SLC35F5: variants seen among roughly 807,000 people sequenced by gnomAD.
SLC35F5 encodes solute carrier family 35 member F5, also known as HCV NS5A-transactivated protein 3.
In SLC35F5, 54 loss-of-function variants were observed where a neutral mutation model predicts 68.6. The ratio of observed to expected loss-of-function variants is 0.79; its 90% confidence interval spans 0.63 to 0.99. SLC35F5 has a LOEUF of 0.99. Ranked by LOEUF, SLC35F5 falls within the 50% of genes least tolerant of loss-of-function variation. The pLI is 0.00. For synonymous variants in SLC35F5, 211 were observed against 205.2 expected (o/e 1.03, Z -0.24); for missense variants, 567 against 626.9 (o/e 0.90, Z 1.02).
rs1051207401 is a variant in SLC35F5 at position 113,713,533 on chromosome 2, A to G, written c.*1685T>C. The G allele has an allele frequency of 1.3e-5, 2 of 152,228 alleles. No homozygotes were observed. The highest frequency in any genetic ancestry group is 2.9e-5 in the Non-Finnish European group (2 of 68,036). 9.4% of individuals were successfully genotyped at this position (152,228 alleles called of 1,614,324 possible). On this transcript the variant is annotated 3_prime_UTR_variant, in exon 16 of 16. Transcript: ENST00000245680. Reference sequence around the variant, plus strand: ...CAAAAAGTAGAGGTATCTAGATTATAAACTTCAACCAAAAGTAGTCCTTGA... The same window carrying G: ...CAAAAAGTAGAGGTATCTAGATTATGAACTTCAACCAAAAGTAGTCCTTGA...
chr2:113,741,699 T>TAA (rs11448220), intron 7 of SLC35F5, among the ~76,000 whole-genome samples: 40,839 of 141,836 alleles, frequency 0.29, 6,271 homozygotes, highest in Middle Eastern at 0.48. Context: ...GAAACTCCAT[T>TAA]AAAAAAAAAA....
chr2:113,727,679 C>T (rs1172195213), intron 11 of SLC35F5, among the ~76,000 whole-genome samples: 3 of 152,132 alleles, frequency 2.0e-5, no homozygotes, highest in Non-Finnish European at 2.9e-5. Flanking sequence ...CCTCTGCTCA[C>T]ACTCCCTTGC....
intron 7 of SLC35F5, among the ~76,000 whole-genome samples, chr2:113,738,901 A>G (rs1319811245): frequency 1.3e-5 from 2 of 152,196 alleles, no homozygotes; most frequent in African/African-American, 4.8e-5. Context: ...TTTTACATCA[A>G]TAATATGTTG....
intron 11 of SLC35F5, among the ~76,000 whole-genome samples, chr2:113,728,207 T>C (rs1206226968): frequency 2.6e-5 from 4 of 152,230 alleles, no homozygotes; most frequent in Admixed American, 2.6e-4. Context: ...TAAGCAATCA[T>C]TCAGCCTCAT....
intron 7 of SLC35F5, among the ~76,000 whole-genome samples, chr2:113,741,143 C>T (rs1676256884): frequency 6.6e-6 from 1 of 152,082 alleles, no homozygotes; most frequent in African/African-American, 2.4e-5. Context: ...CTGGATGAAC[C>T]TGGAGGACAT....
intron 5 of SLC35F5, among the ~76,000 whole-genome samples, chr2:113,744,247 C>A (rs1676397370): frequency 6.6e-6 from 1 of 152,024 alleles, no homozygotes; most frequent in Non-Finnish European, 1.5e-5. Context: ...GTCTAACAGG[C>A]AAGGCAGATA....
chr2:113,717,860 A>G lies in SLC35F5; in HGVS notation c.1497-10T>C. On this transcript the variant is annotated splice_polypyrimidine_tract_variant and intron_variant, in intron 14 of 15. Transcript: ENST00000245680. Reference sequence around the variant, plus strand: ...GCTGTCTTCTGGAACTCTTAAGAAAAAAAAAAGCAGTAATTAAGGAAAGCT... The same window carrying G: ...GCTGTCTTCTGGAACTCTTAAGAAAGAAAAAAGCAGTAATTAAGGAAAGCT... 6.3e-7 allele frequency: 1 copy of G among 1,590,178 alleles called. No individual in the cohort carries two copies.
intron 4 of SLC35F5, 44 bp downstream of exon 4, chr2:113,750,381 A>G (rs761961357): frequency 6.7e-7 from 1 of 1,502,268 alleles, no homozygotes; most frequent in Non-Finnish European, 8.9e-7. Flanking sequence ...GAAAAAACGT[A>G]TCTATACCCC....
rs751771414 is a variant in SLC35F5 at position 113,713,831 on chromosome 2, G to C, written c.*1387C>G. 2.1e-5 allele frequency: 3 copies of C among 145,644 alleles called. No individual in the cohort carries two copies. Among genetic ancestry groups the C allele is most frequent in the Non-Finnish European group, 3.0e-5 (2 of 66,740 alleles). 9.0% of individuals were successfully genotyped at this position (145,644 alleles called of 1,614,324 possible). A position where few individuals can be genotyped will look rare whatever the true frequency, so the allele number is the denominator to read the frequency against. On this transcript the variant is annotated 3_prime_UTR_variant, in exon 16 of 16. Transcript: ENST00000245680. ...CAATTTTTAAAGGTAATATAATATA[G>C]AAGTTCTCAGAATGAAACAAAAGGA...
intron 6 of SLC35F5, among the ~76,000 whole-genome samples, chr2:113,743,130 C>T (rs1676351786): frequency 6.6e-6 from 1 of 152,158 alleles, no homozygotes; most frequent in Non-Finnish European, 1.5e-5. Flanking sequence ...AAGGTTTCTG[C>T]AATTGTGTAC....
rs770047533 is a variant in SLC35F5 at position 113,723,143 on chromosome 2, T to C, written c.1302A>G (p.Thr434=). 1 of 1,594,810 alleles carries C rather than the reference T, an allele frequency of 6.3e-7. No individual in the cohort carries two copies. The highest frequency in any genetic ancestry group is 2.3e-5 in the East Asian group (1 of 44,094). Reference sequence around the variant, plus strand: ...TGTCAGCTATTATGGACAGAGGTATTGTAAGGCTTAGTGCAAGTGTGCCTA... The same window carrying C: ...TGTCAGCTATTATGGACAGAGGTATCGTAAGGCTTAGTGCAAGTGTGCCTA... ...SLIGTLALSL[T]IPLSIIADMC... is the part of the protein sequence containing the mutation. The change falls in exon 13 of 16, where the codon ACA becomes ACG. Residue 434 remains threonine, a synonymous_variant. Transcript: ENST00000245680.
At position 113,714,862 on chromosome 2, in the gene SLC35F5, T is replaced by A. The variant is rs1443065383; in HGVS notation, c.*356A>T. Reference sequence around the variant, plus strand: ...TCTTGAAAACATTTTCATAATATATTCCAGCATTTAACATGTGAAAATAAA... The same window carrying A: ...TCTTGAAAACATTTTCATAATATATACCAGCATTTAACATGTGAAAATAAA... On this transcript the variant is annotated 3_prime_UTR_variant, in exon 16 of 16. Coordinates refer to ENST00000245680, the MANE Select transcript of SLC35F5 (RefSeq NM_025181.5). 3 of 152,596 alleles carry A rather than the reference T, an allele frequency of 2.0e-5. No homozygotes were observed. The East Asian group carries it at 5.8e-4, about 29-fold the overall frequency. The allele number at this position is 152,596 out of a possible 1,614,324, so 9.5% of individuals were successfully genotyped here. A position where few individuals can be genotyped will look rare whatever the true frequency, so the allele number is the denominator to read the frequency against.
In SLC35F5 at chr2:113,714,630, G is replaced by A. The variant is rs1163052886; in HGVS notation, c.*588C>T. The A allele has an allele frequency of 2.0e-5, 3 of 152,116 alleles. No homozygotes were observed. The East Asian group carries it at 5.8e-4, about 29-fold the overall frequency. The allele number at this position is 152,116 out of a possible 1,614,324, so 9.4% of individuals were successfully genotyped here. A position where few individuals can be genotyped will look rare whatever the true frequency, so the allele number is the denominator to read the frequency against. On this transcript the variant is annotated 3_prime_UTR_variant, in exon 16 of 16. Coordinates refer to ENST00000245680, the MANE Select transcript of SLC35F5 (RefSeq NM_025181.5). ...GAATAATACAGTAAATGTAGTGTAA[G>A]TGAACCAGATATTTTCTCAAATACT...
intron 10 of SLC35F5, 130 bp downstream of exon 10, chr2:113,731,454 C>T: frequency 1.6e-6 from 1 of 607,022 alleles, no homozygotes; most frequent in Non-Finnish European, 3.0e-6. Flanking sequence ...TATGTTATTT[C>T]CAAAGGAAAA....
At chr2:113,716,896 G>A (rs961596169) in intron 15 of SLC35F5, among the ~76,000 whole-genome samples, 6 of 152,160 alleles carry the variant, frequency 3.9e-5, no homozygotes, top group African/African-American at 1.2e-4. Flanking sequence ...AAGTTTACCA[G>A]GAGGATAATG....
At chr2:113,738,029 G>A (rs1459889734) in intron 7 of SLC35F5, among the ~76,000 whole-genome samples, 1 of 152,008 alleles carries the variant, frequency 6.6e-6, no homozygotes, top group African/African-American at 2.4e-5. Context: ...ATATACACAT[G>A]ACATTGTCTA....
intron 11 of SLC35F5, among the ~76,000 whole-genome samples, chr2:113,726,851 C>T (rs1436534675): frequency 6.6e-6 from 1 of 152,182 alleles, no homozygotes; most frequent in Non-Finnish European, 1.5e-5. Flanking sequence ...GTGCGCCACA[C>T]GGTTCTTTCC....
At chr2:113,753,158 G>GTTTTTTTTTTTTTTTTTTTTT (rs1264386762) in intron 3 of SLC35F5, among the ~76,000 whole-genome samples, 1 of 69,204 alleles carries the variant, frequency 1.4e-5, no homozygotes, top group Non-Finnish European at 3.2e-5. Flanking sequence ...TATCTCCAAA[G>GTTTTTTTTTTTTTTTTTTTTT]TTTGTTTTTC....
chr2:113,725,359 G>A lies in SLC35F5; in HGVS notation c.1250+19C>T, dbSNP rs748278941. 6.3e-7 allele frequency: 1 copy of A among 1,575,528 alleles called. No individual in the cohort carries two copies. The highest frequency in any genetic ancestry group is 2.3e-5 in the East Asian group (1 of 44,046). On this transcript the variant is annotated intron_variant, in intron 12 of 15. Coordinates refer to ENST00000245680, the MANE Select transcript of SLC35F5 (RefSeq NM_025181.5). ...AAAATTAATCAACTGATAATAATTG[G>A]AGAATAAACAGTACATACCACAACC...
Sources: gnomAD v4.1 joint callset for allele counts (sites outside exome capture counted in the v4.1 genomes callset) on GRCh38, gnomAD v4.1.1 for gene constraint, MANE v1.5 for transcripts, NCBI Gene and HGNC (gene_info 2026-07-23, HGNC 2026-07-21) for gene names.